AKR1C8: variants seen among roughly 807,000 people sequenced by gnomAD.
The protein encoded by AKR1C8 is aldo-keto reductase family 1 member C-like protein 1.
the AKR1C8 span, among the ~76,000 whole-genome samples, chr10:5,162,308 C>A: frequency 6.6e-6 from 1 of 152,118 alleles, no homozygotes; most frequent in African/African-American, 2.4e-5. Flanking sequence ...AATCTCTTGT[C>A]CTGTATAATA....
At chr10:5,157,583 G>A in the AKR1C8 span, 3,091 of 440,010 alleles carry the variant, frequency 7.0e-3, 25 homozygotes, top group South Asian at 0.016. Flanking sequence ...AAGAGAGATC[G>A]CCCAGATCAG....
chr10:5,139,725 C>T, the AKR1C8 span, among the ~76,000 whole-genome samples: 1 of 152,104 alleles, frequency 6.6e-6, no homozygotes, highest in African/African-American at 2.4e-5. Flanking sequence ...CAATACCATT[C>T]AGGACATAGG....
the AKR1C8 span, among the ~76,000 whole-genome samples, chr10:5,122,779 C>G: frequency 6.6e-6 from 1 of 152,116 alleles, no homozygotes; most frequent in Non-Finnish European, 1.5e-5. Context: ...TCAGGAAATG[C>G]TTTTTCTGGG....
the AKR1C8 span, among the ~76,000 whole-genome samples, chr10:5,140,254 C>CTT: frequency 6.6e-6 from 1 of 152,160 alleles, no homozygotes; most frequent in Non-Finnish European, 1.5e-5. Flanking sequence ...TCTCAAGGAT[C>CTT]TAGAACTAGA....
chr10:5,155,774 A>C, the AKR1C8 span: 62 of 467,428 alleles, frequency 1.3e-4, no homozygotes, highest in Non-Finnish European at 2.2e-4. Context: ...GGAAGAAAAC[A>C]CTCACATTAA....
At chr10:5,145,385 A>C in the AKR1C8 span, among the ~76,000 whole-genome samples, 21 of 152,174 alleles carry the variant, frequency 1.4e-4, no homozygotes, top group Non-Finnish European at 2.9e-4. Context: ...ACAGCAAAAG[A>C]AACTACCATC....
chr10:5,134,426 T>C, the AKR1C8 span, among the ~76,000 whole-genome samples: 1 of 152,166 alleles, frequency 6.6e-6, no homozygotes, highest in South Asian at 2.1e-4. Context: ...AGTATAGAAA[T>C]AGTTCAGTCT....
At chr10:5,175,005 A>C in the AKR1C8 span, among the ~76,000 whole-genome samples, 5 of 152,258 alleles carry the variant, frequency 3.3e-5, no homozygotes, top group South Asian at 2.1e-4. Context: ...TTTAGGGTAC[A>C]AGTGCACAAT....
the AKR1C8 span, among the ~76,000 whole-genome samples, chr10:5,175,540 G>A: frequency 6.6e-6 from 1 of 152,174 alleles, no homozygotes; most frequent in Non-Finnish European, 1.5e-5. Flanking sequence ...AGATCCCTGA[G>A]GAATCGCCAC....
At chr10:5,179,755 G>C in the AKR1C8 span, among the ~76,000 whole-genome samples, 1 of 151,906 alleles carries the variant, frequency 6.6e-6, no homozygotes, top group Non-Finnish European at 1.5e-5. Flanking sequence ...CTTTCTTCCA[G>C]TTGATTGCAT....
the AKR1C8 span, among the ~76,000 whole-genome samples, chr10:5,166,401 C>T: frequency 6.6e-6 from 1 of 152,176 alleles, no homozygotes; most frequent in Non-Finnish European, 1.5e-5. Context: ...TACAAGGCTA[C>T]AGTACCCAAA....
the AKR1C8 span, among the ~76,000 whole-genome samples, chr10:5,143,744 TA>T: frequency 6.7e-6 from 1 of 148,256 alleles, no homozygotes; most frequent in African/African-American, 2.4e-5. Context: ...TCTATATATT[TA>T]TATCTATATA....
At chr10:5,123,896 GT>G in the AKR1C8 span, 1 of 1,407,260 alleles carries the variant, frequency 7.1e-7, no homozygotes, top group South Asian at 1.4e-5. Flanking sequence ...ACAGATTAAA[GT>G]AAAAGGAGGT....
the AKR1C8 span, among the ~76,000 whole-genome samples, chr10:5,184,085 T>C: frequency 3.9e-5 from 6 of 152,300 alleles, no homozygotes; most frequent in East Asian, 9.7e-4. Flanking sequence ...TGACTGCTCC[T>C]GGGCCAAGGT....
chr10:5,161,900 C>G, the AKR1C8 span: 10 of 534,600 alleles, frequency 1.9e-5, no homozygotes, highest in Admixed American at 5.8e-5. Flanking sequence ...TCTACATAGT[C>G]CGGTCCAAGT....
chr10:5,137,676 G>A, the AKR1C8 span, among the ~76,000 whole-genome samples: 1 of 152,040 alleles, frequency 6.6e-6, no homozygotes, highest in Non-Finnish European at 1.5e-5. Context: ...CAATATTGGG[G>A]CAACTTGCCC....
At chr10:5,160,919 A>G in the AKR1C8 span, 2 of 470,620 alleles carry the variant, frequency 4.2e-6, no homozygotes, top group East Asian at 1.4e-4. Flanking sequence ...ATAAAGAAGG[A>G]CATTTTCTAT....
chr10:5,184,065 A>T, the AKR1C8 span, among the ~76,000 whole-genome samples: 1 of 152,140 alleles, frequency 6.6e-6, no homozygotes, highest in Non-Finnish European at 1.5e-5. Context: ...ATGAATTATC[A>T]TTCAGCATCT....
chr10:5,144,983 T>G, the AKR1C8 span, among the ~76,000 whole-genome samples: 1 of 151,766 alleles, frequency 6.6e-6, no homozygotes, highest in African/African-American at 2.4e-5. Context: ...TTTTTGCCCA[T>G]TCAGTATGAT....
Sources: allele counts gnomAD v4.1 joint callset (sites outside exome capture counted in the v4.1 genomes callset), GRCh38; gene constraint gnomAD v4.1.1; transcripts MANE v1.5; gene names NCBI Gene and HGNC (gene_info 2026-07-23, HGNC 2026-07-21).